Variants in RTN4 observed in about 807,000 individuals in gnomAD.
RTN4 encodes the protein reticulon 4, also known as reticulon-4.
Under a neutral mutation model 90.4 loss-of-function variants are expected in RTN4, and 32 were observed. The ratio of observed to expected loss-of-function variants is 0.35; its 90% CI spans 0.27 to 0.48. RTN4 has a LOEUF of 0.48. Among genes scored for constraint, RTN4 ranks in the 20% least tolerant of loss-of-function variants. The pLI, the probability that RTN4 is intolerant of heterozygous loss-of-function variation, is 0.99. For missense variants in RTN4, 1,706 were observed against 1,430.2 expected (o/e 1.19, Z -3.11); for synonymous variants, 629 against 552.5 (o/e 1.14, Z -1.94).
At chr2:55,127,155 C>G in the RTN4 span, among the ~76,000 whole-genome samples, 1 of 152,104 alleles carries the variant, frequency 6.6e-6, no homozygotes, top group Non-Finnish European at 1.5e-5. Context: ...ACCCCTAAAT[C>G]TAAAATAAAA....
Position 54,973,100 on chromosome 2 carries a change from T to A in RTN4, c.*56A>T, listed in dbSNP as rs1573248048. The A allele has an allele frequency of 4.8e-6, 7 of 1,452,014 alleles. No homozygotes were observed. In the East Asian group the frequency reaches 1.4e-4, roughly 29 times the overall value. 89.9% of individuals were successfully genotyped at this position (1,452,014 alleles called of 1,614,324 possible). The stretch of plus-strand genomic sequence containing the variant: ...CGTTCTTCCCTGACCCTCCCCCGTA[T>A]AATCAAATGAATATCCCCTTTAAAG... On this transcript the variant is annotated 3_prime_UTR_variant, in exon 9 of 9. Transcript: ENST00000337526.
At chr2:55,081,155 G>C (rs1668706906) in intron 1 of RTN4, among the ~76,000 whole-genome samples, 1 of 152,070 alleles carries the variant, frequency 6.6e-6, no homozygotes, top group African/African-American at 2.4e-5. Flanking sequence ...GCTCACTGCA[G>C]CCTCAACCTC....
chr2:55,082,091 G>C (rs1164345725), intron 1 of RTN4, among the ~76,000 whole-genome samples: 1 of 152,110 alleles, frequency 6.6e-6, no homozygotes, highest in Admixed American at 6.5e-5. Flanking sequence ...ACATAGTCAA[G>C]AAGCATAAAT....
At chr2:55,117,902 G>C in the RTN4 span, among the ~76,000 whole-genome samples, 1 of 152,150 alleles carries the variant, frequency 6.6e-6, no homozygotes, top group South Asian at 2.1e-4. Context: ...AACATGGGTG[G>C]AAATGACATA....
chr2:54,996,798 T>A (rs1679464487), intron 3 of RTN4, among the ~76,000 whole-genome samples: 1 of 152,210 alleles, frequency 6.6e-6, no homozygotes, highest in Non-Finnish European at 1.5e-5. Flanking sequence ...TCTCACTCTG[T>A]CACCCATGCT....
chr2:55,038,676 G>A lies in RTN4; in HGVS notation c.557-10456C>T, dbSNP rs570638960. 2.0e-5 allele frequency among the ~76,000 whole-genome samples: 3 copies of A among 152,344 alleles called. No homozygotes were observed. In the South Asian group the frequency reaches 6.2e-4, roughly 32 times the overall value. ...GAATTCTCACACATTGCTGGTGGAA[G>A]TGGTTGGGGGAACAGTTAAGCAACT... is the stretch of plus-strand genomic sequence containing the variant. On this transcript the variant is annotated intron_variant, in intron 1 of 8. Transcript: ENST00000337526.
upstream of RTN4, among the ~76,000 whole-genome samples, chr2:55,053,606 G>A (rs928512235): frequency 6.6e-6 from 1 of 151,014 alleles, no homozygotes; most frequent in African/African-American, 2.4e-5. Flanking sequence ...GAATTGCTTG[G>A]ACCTGAGAGG....
At chr2:55,066,065 G>C (rs771846243) in intron 2 of RTN4, among the ~76,000 whole-genome samples, 12 of 152,026 alleles carry the variant, frequency 7.9e-5, no homozygotes, top group Non-Finnish European at 1.8e-4. Flanking sequence ...TAGACTAATA[G>C]AAATTTTTAA....
chr2:54,992,835 C>T (rs767268846), intron 3 of RTN4, among the ~76,000 whole-genome samples: 18 of 151,656 alleles, frequency 1.2e-4, no homozygotes, highest in Non-Finnish European at 2.4e-4. Flanking sequence ...TTTAGAAGGC[C>T]GAGGCAGGTG....
At chr2:55,107,485 C>G (rs931300178) in intron 1 of RTN4, among the ~76,000 whole-genome samples, 1 of 150,622 alleles carries the variant, frequency 6.6e-6, no homozygotes, top group African/African-American at 2.4e-5. Context: ...CTTGCTCATT[C>G]TCACAGGGGA....
At chr2:55,091,105 T>C (rs1363658928) in intron 1 of RTN4, among the ~76,000 whole-genome samples, 1 of 152,246 alleles carries the variant, frequency 6.6e-6, no homozygotes. Context: ...GTCTTTCCTC[T>C]GGCCACCAGT....
chr2:55,018,606 T>A (rs1364504317), intron 3 of RTN4, among the ~76,000 whole-genome samples: 2 of 152,034 alleles, frequency 1.3e-5, no homozygotes, highest in African/African-American at 4.8e-5. Context: ...TGGATATAAA[T>A]AATGTATTGG....
intron 3 of RTN4, among the ~76,000 whole-genome samples, chr2:55,001,651 A>G (rs1679858334): frequency 6.6e-6 from 1 of 152,204 alleles, no homozygotes; most frequent in Non-Finnish European, 1.5e-5. Context: ...ATGAAATTCC[A>G]CAAAGTTAAT....
chr2:55,014,696 T>C (rs1213156384), intron 3 of RTN4, among the ~76,000 whole-genome samples: 2 of 152,084 alleles, frequency 1.3e-5, no homozygotes, highest in African/African-American at 4.8e-5. Context: ...TTTGTATTTT[T>C]AGTAGAGACG....
chr2:55,034,953 T>A (rs868506655), intron 1 of RTN4, among the ~76,000 whole-genome samples: 44 of 152,166 alleles, frequency 2.9e-4, no homozygotes, highest in African/African-American at 8.2e-4. Context: ...GAGAATGCAT[T>A]CTGTAATCCC....
At chr2:55,005,868 T>A (rs1680182268) in intron 3 of RTN4, among the ~76,000 whole-genome samples, 1 of 152,170 alleles carries the variant, frequency 6.6e-6, no homozygotes, top group South Asian at 2.1e-4. Context: ...AAACAAAGAT[T>A]GTGTTAAGTA....
chr2:55,035,164 C>T (rs1682590376), intron 1 of RTN4, among the ~76,000 whole-genome samples: 1 of 152,112 alleles, frequency 6.6e-6, no homozygotes, highest in East Asian at 1.9e-4. Context: ...ATTTAGGCCC[C>T]ACTACCAATG....
At chr2:55,063,639 G>A (rs560854066) in intron 2 of RTN4, among the ~76,000 whole-genome samples, 1 of 152,028 alleles carries the variant, frequency 6.6e-6, no homozygotes, top group African/African-American at 2.4e-5. Flanking sequence ...CCTGCACTCT[G>A]GGAGGCCAAG....
intron 3 of RTN4, among the ~76,000 whole-genome samples, chr2:54,993,191 C>T (rs891357815): frequency 1.3e-5 from 2 of 151,770 alleles, no homozygotes; most frequent in Non-Finnish European, 2.9e-5. Context: ...GTTTTACTTG[C>T]TTCTTTACTC....
Sources: gnomAD v4.1 joint callset for allele counts (sites outside exome capture counted in the v4.1 genomes callset) on GRCh38, gnomAD v4.1.1 for gene constraint, MANE v1.5 for transcripts, NCBI Gene and HGNC (gene_info 2026-07-23, HGNC 2026-07-21) for gene names.